The following ROR2 variants were observed in gnomAD, a reference collection of about 807,000 sequenced individuals.
ROR2 encodes tyrosine-protein kinase transmembrane receptor ROR2.
A neutral mutation model predicts 74.9 loss-of-function variants in ROR2; 33 were observed. The ratio of observed to expected loss-of-function variants is 0.44; its 90% confidence interval spans 0.33 to 0.59. The LOEUF is 0.59. Among genes scored for constraint, ROR2 ranks in the 20% least tolerant of loss-of-function variants. The pLI is 0.02. For missense variants in ROR2, 1,216 were observed against 1,313.8 expected, an observed-to-expected ratio of 0.93 and a Z score of 1.15; for synonymous variants, 586 against 558.7, an observed-to-expected ratio of 1.05 and a Z score of -0.69.
chr9:91,928,091 T>C (rs1015909530), intron 1 of ROR2, among the ~76,000 whole-genome samples: 3 of 152,014 alleles, frequency 2.0e-5, no homozygotes, highest in Non-Finnish European at 4.4e-5. Context: ...ACCTCCTGCA[T>C]CACACTCACC....
At chr9:91,774,261 C>CTGCCA (rs1402590115) in intron 2 of ROR2, among the ~76,000 whole-genome samples, 1 of 152,236 alleles carries the variant, frequency 6.6e-6, no homozygotes, top group African/African-American at 2.4e-5. Context: ...ACCAGCCTCA[C>CTGCCA]TGCCACCCTG....
chr9:91,773,736 A>T (rs16907768), intron 2 of ROR2, among the ~76,000 whole-genome samples: 3,566 of 152,168 alleles, frequency 0.023, 186 homozygotes, highest in East Asian at 0.13. Flanking sequence ...CTGCGGTACC[A>T]CCATGACACC....
Position 91,829,205 on chromosome 9 carries a change from T to G in ROR2, c.98-53387A>C, listed in dbSNP as rs185101772. On this transcript the variant is annotated intron_variant, in intron 1 of 8. Coordinates refer to ENST00000375708, the MANE Select transcript of ROR2 (RefSeq NM_004560.4). ...CCAGAGTGAGACATACAGATTAACA[T>G]GCTCTACCCTTCTCAGAAGTGTATG... Among the ~76,000 whole-genome samples, 133 of 152,324 alleles carry G rather than the reference T, an allele frequency of 8.7e-4. 1 individual carries two copies. Among genetic ancestry groups the G allele is most frequent in the African/African-American group, 3.0e-3 (126 of 41,572 alleles).
intron 1 of ROR2, among the ~76,000 whole-genome samples, chr9:91,794,131 A>C (rs899639239): frequency 2.0e-5 from 3 of 152,258 alleles, no homozygotes; most frequent in Non-Finnish European, 4.4e-5. Flanking sequence ...TCAAGCCCAA[A>C]TTCATTAACG....
At chr9:91,948,901 C>G in intron 1 of ROR2, 1 of 985,302 alleles carries the variant, frequency 1.0e-6, no homozygotes, top group Non-Finnish European at 1.2e-6. Flanking sequence ...GCGGGAGGTG[C>G]TCCCGGAGTC....
chr9:91,768,449 C>G (rs557599604), intron 2 of ROR2, among the ~76,000 whole-genome samples: 1 of 152,338 alleles, frequency 6.6e-6, no homozygotes, highest in South Asian at 2.1e-4. Context: ...CAGACAGAGA[C>G]AGACAGGTGG....
At chr9:91,825,000 TCCCAAG>T (rs1828241381) in intron 1 of ROR2, among the ~76,000 whole-genome samples, 1 of 152,174 alleles carries the variant, frequency 6.6e-6, no homozygotes, top group Non-Finnish European at 1.5e-5. Context: ...TGGGTCCTGT[TCCCAAG>T]TCAGACAGGC....
intron 2 of ROR2, among the ~76,000 whole-genome samples, chr9:91,774,285 G>A (rs1416970519): frequency 2.6e-5 from 4 of 152,168 alleles, no homozygotes; most frequent in Non-Finnish European, 4.4e-5. Context: ...GCTGGGCAGA[G>A]CTCCACCTGC....
At position 91,950,122 on chromosome 9, in the gene ROR2, C is replaced by A. The variant is rs1344172816; in HGVS notation, c.-159G>T. On this transcript the variant is annotated 5_prime_UTR_variant, in exon 1 of 9. Transcript: ENST00000375708. Reference sequence around the variant, plus strand: ...CCTCGTCGTCGTCCTCTTCTCCGGCCCGGATGCGCCGCTCGGCTCCGGCCA... The same window carrying A: ...CCTCGTCGTCGTCCTCTTCTCCGGCACGGATGCGCCGCTCGGCTCCGGCCA... 9.6e-6 allele frequency: 4 copies of A among 418,780 alleles called. No homozygotes were observed. Among genetic ancestry groups the A allele is most frequent in the Non-Finnish European group, 1.7e-5 (4 of 241,632 alleles). The allele number at this position is 418,780 out of a possible 1,614,324, so 25.9% of individuals were successfully genotyped here.
chr9:91,750,228 T>G (rs1263766334), intron 4 of ROR2, among the ~76,000 whole-genome samples: 1 of 152,178 alleles, frequency 6.6e-6, no homozygotes, highest in Non-Finnish European at 1.5e-5. Flanking sequence ...AACAGAAACA[T>G]GGACAAAGTG....
rs150233041 is a variant in ROR2, at chr9:91,782,153, G to T, written c.98-6335C>A. 6.4e-4 allele frequency among the ~76,000 whole-genome samples: 98 copies of T among 152,366 alleles called. No individual in the cohort carries two copies. In the East Asian group the frequency reaches 0.015, roughly 24 times the overall value. ...CCCCCACCAGATACAGTGAGAAGGT[G>T]AGGTCCCCTCCCTGTGACAGGGAGC... On this transcript the variant is annotated intron_variant, in intron 1 of 8. Transcript: ENST00000375708.
chr9:91,762,984 G>C (rs1312864337), intron 2 of ROR2, among the ~76,000 whole-genome samples: 3 of 152,080 alleles, frequency 2.0e-5, no homozygotes, highest in Admixed American at 2.0e-4. Context: ...ATACACCATG[G>C]AATACAATGC....
intron 1 of ROR2, among the ~76,000 whole-genome samples, chr9:91,937,291 A>C (rs544361730): frequency 6.6e-6 from 1 of 152,244 alleles, no homozygotes; most frequent in African/African-American, 2.4e-5. Context: ...TAAAAATGTT[A>C]AATATGCTCA....
In ROR2 at chr9:91,826,006, T is replaced by C. The variant is rs113439689; in HGVS notation, c.98-50188A>G. ...CTGGCTCTTAGGAACTCTCACTGGGTGGCTTCGCCCCCCTGCCTGCTGGCG... is the reference window on the plus strand; with the variant it reads ...CTGGCTCTTAGGAACTCTCACTGGGCGGCTTCGCCCCCCTGCCTGCTGGCG... On this transcript the variant is annotated intron_variant, in intron 1 of 8. Coordinates refer to ENST00000375708, the MANE Select transcript of ROR2 (RefSeq NM_004560.4). Among the ~76,000 whole-genome samples, 457 of 152,344 alleles carry C rather than the reference T, an allele frequency of 3.0e-3. 4 individuals carry two copies. Among genetic ancestry groups the C allele is most frequent in the African/African-American group, 9.8e-3 (407 of 41,578 alleles).
At chr9:91,847,767 C>T (rs1324553346) in intron 1 of ROR2, among the ~76,000 whole-genome samples, 1 of 152,148 alleles carries the variant, frequency 6.6e-6, no homozygotes, top group Non-Finnish European at 1.5e-5. Context: ...GGAAGACATC[C>T]TTCACGTCTT....
chr9:91,748,761 G>A (rs756050581), intron 4 of ROR2, among the ~76,000 whole-genome samples: 1 of 152,220 alleles, frequency 6.6e-6, no homozygotes, highest in African/African-American at 2.4e-5. Flanking sequence ...GGCCGGGCCT[G>A]GTGGCTCACG....
chr9:91,757,683 G>C (rs1825803797), intron 2 of ROR2, 124 bp from the exon 3 acceptor site: 2 of 993,778 alleles, frequency 2.0e-6, no homozygotes, highest in African/African-American at 1.6e-5. Context: ...ACTAAAATAG[G>C]TTGTTATCTG....
At chr9:91,859,477 G>C (rs1829403551) in intron 1 of ROR2, among the ~76,000 whole-genome samples, 1 of 152,146 alleles carries the variant, frequency 6.6e-6, no homozygotes, top group African/African-American at 2.4e-5. Flanking sequence ...ATTTTTTGGA[G>C]TGTTCCAGAC....
intron 1 of ROR2, among the ~76,000 whole-genome samples, chr9:91,829,807 G>T (rs1828407059): frequency 6.6e-6 from 1 of 152,018 alleles, no homozygotes; most frequent in Non-Finnish European, 1.5e-5. Context: ...ATGATAGTTA[G>T]GTACTATAAA....
Sources: allele counts gnomAD v4.1 joint callset (sites outside exome capture counted in the v4.1 genomes callset), GRCh38; gene constraint gnomAD v4.1.1; transcripts MANE v1.5; gene names NCBI Gene and HGNC (gene_info 2026-07-23, HGNC 2026-07-21).